Variants in ASPRV1 observed in about 807,000 individuals in gnomAD.
The protein encoded by ASPRV1 is aspartic peptidase retroviral like 1.
ASPRV1 carries 7 observed loss-of-function variants against 11.0 expected under a neutral mutation model. That is an observed-to-expected ratio of 0.64 (90% CI 0.36 to 1.20). The LOEUF is 1.20. ASPRV1 is among the 50% of genes most tolerant of loss of function. The probability of loss-of-function intolerance (pLI) is 0.02; values close to 1 mark genes in which losing one functional copy is unlikely to be tolerated. For synonymous variants in ASPRV1, 136 were observed against 138.4 expected (o/e 0.98, Z 0.12); for missense variants, 299 against 320.0 (o/e 0.93, Z 0.50).
At chr2:69,993,250 C>A in the ASPRV1 span, 3 of 152,442 alleles carry the variant, frequency 2.0e-5, no homozygotes, top group African/African-American at 4.8e-5. Flanking sequence ...ACAAACTGCA[C>A]CCCTAGCCCA....
Position 69,960,435 on chromosome 2 carries a change from C to CATGGGAGA in ASPRV1, c.*221_*222insTCTCCCAT. On this transcript the variant is annotated 3_prime_UTR_variant, in exon 1 of 1. Transcript: ENST00000320256. ...AGCTTGATGACCATGGGGACCCTGTCCCTCTAAGCCAGCCTGCTCTCCCTC... is the reference window on the plus strand; with the variant it reads ...AGCTTGATGACCATGGGGACCCTGTCATGGGAGACCTCTAAGCCAGCCTGCTCTCCCTC... 3.7e-6 allele frequency: 2 copies of CATGGGAGA among 539,584 alleles called. No homozygotes were observed. Among genetic ancestry groups the CATGGGAGA allele is most frequent in the Non-Finnish European group, 6.6e-6 (2 of 304,156 alleles). The allele number at this position is 539,584 out of a possible 1,614,324, so 33.4% of individuals were successfully genotyped here.
At chr2:70,033,415 T>C in the ASPRV1 span, among the ~76,000 whole-genome samples, 1 of 152,124 alleles carries the variant, frequency 6.6e-6, no homozygotes, top group Non-Finnish European at 1.5e-5. Flanking sequence ...CTTTATCCTC[T>C]TCAAATGCTT....
the ASPRV1 span, among the ~76,000 whole-genome samples, chr2:70,063,628 T>C: frequency 6.6e-6 from 1 of 152,150 alleles, no homozygotes; most frequent in Non-Finnish European, 1.5e-5. Context: ...AAAGAATGGA[T>C]AGGCTCTTGG....
the ASPRV1 span, among the ~76,000 whole-genome samples, chr2:70,042,717 A>G: frequency 2.0e-5 from 3 of 152,002 alleles, no homozygotes; most frequent in Non-Finnish European, 2.9e-5. Flanking sequence ...GGTTGAGGGG[A>G]GAGGAAACGG....
the ASPRV1 span, among the ~76,000 whole-genome samples, chr2:69,982,577 A>G: frequency 2.9e-3 from 447 of 152,332 alleles, 4 homozygotes; most frequent in African/African-American, 0.01. Flanking sequence ...GCTGTACTAA[A>G]GAAAAAAATA....
At chr2:69,991,932 T>C in the ASPRV1 span, among the ~76,000 whole-genome samples, 1 of 152,190 alleles carries the variant, frequency 6.6e-6, no homozygotes, top group Non-Finnish European at 1.5e-5. Flanking sequence ...AATGGATTTG[T>C]CTCTGGTCAT....
chr2:69,978,007 T>C, the ASPRV1 span, among the ~76,000 whole-genome samples: 2 of 152,180 alleles, frequency 1.3e-5, no homozygotes, highest in African/African-American at 2.4e-5. Context: ...AGACACTAAA[T>C]TCAAACTCAG....
chr2:69,934,632 T>A, the ASPRV1 span, among the ~76,000 whole-genome samples: 1 of 152,232 alleles, frequency 6.6e-6, no homozygotes, highest in Non-Finnish European at 1.5e-5. Flanking sequence ...TTTGTCTACA[T>A]ACAAGAAAAC....
At chr2:70,065,123 G>T in the ASPRV1 span, among the ~76,000 whole-genome samples, 3 of 149,428 alleles carry the variant, frequency 2.0e-5, no homozygotes, top group Non-Finnish European at 4.4e-5. Flanking sequence ...ACAAAAAAAA[G>T]GCCAGGTGCG....
At chr2:69,971,713 C>T in the ASPRV1 span, among the ~76,000 whole-genome samples, 1 of 152,192 alleles carries the variant, frequency 6.6e-6, no homozygotes, top group Non-Finnish European at 1.5e-5. Flanking sequence ...CCTTAGGATG[C>T]CCACAAGCCC....
At chr2:69,944,160 T>C in the ASPRV1 span, among the ~76,000 whole-genome samples, 1 of 152,162 alleles carries the variant, frequency 6.6e-6, no homozygotes, top group South Asian at 2.1e-4. Context: ...AAAAGCTACG[T>C]TCTCTAAAGC....
the ASPRV1 span, among the ~76,000 whole-genome samples, chr2:70,014,203 G>A: frequency 6.6e-6 from 1 of 152,068 alleles, no homozygotes; most frequent in African/African-American, 2.4e-5. Flanking sequence ...GCATCAAACA[G>A]CACTTTCAGC....
At chr2:69,992,938 G>C in the ASPRV1 span, among the ~76,000 whole-genome samples, 1 of 152,198 alleles carries the variant, frequency 6.6e-6, no homozygotes, top group Non-Finnish European at 1.5e-5. Flanking sequence ...CCTTCTACTA[G>C]ACTGTTGCTT....
chr2:69,961,851 T>C (rs1678131572), upstream of ASPRV1: 1 of 710,512 alleles, frequency 1.4e-6, no homozygotes, highest in Admixed American at 2.6e-5. Flanking sequence ...GGGACTACCC[T>C]GTACCCTCCC....
At chr2:70,054,883 T>A in the ASPRV1 span, among the ~76,000 whole-genome samples, 3 of 152,216 alleles carry the variant, frequency 2.0e-5, no homozygotes, top group Non-Finnish European at 2.9e-5. Context: ...GCTGTAAAGT[T>A]AACTAAGATA....
chr2:70,081,889 ATTACT>A, the ASPRV1 span, among the ~76,000 whole-genome samples: 1 of 152,038 alleles, frequency 6.6e-6, no homozygotes, highest in Non-Finnish European at 1.5e-5. Flanking sequence ...CCAGACTACT[ATTACT>A]TTAAATAAAA....
chr2:69,992,148 CT>C, the ASPRV1 span, among the ~76,000 whole-genome samples: 130 of 147,976 alleles, frequency 8.8e-4, no homozygotes, highest in African/African-American at 2.5e-3. Context: ...CTTTGTTCCA[CT>C]TTTTTTTTTT....
the ASPRV1 span, among the ~76,000 whole-genome samples, chr2:70,062,142 A>T: frequency 9.2e-3 from 1,323 of 144,258 alleles, 17 homozygotes; most frequent in African/African-American, 0.03. Context: ...ACAAAAAATT[A>T]AAAAAAAAAA....
the ASPRV1 span, chr2:69,940,951 A>C: frequency 6.6e-6 from 1 of 152,602 alleles, no homozygotes; most frequent in South Asian, 2.1e-4. Context: ...CACCAGCCTG[A>C]CTGCTAAGAG....
Sources: gnomAD v4.1 joint callset for allele counts (sites outside exome capture counted in the v4.1 genomes callset) on GRCh38, gnomAD v4.1.1 for gene constraint, MANE v1.5 for transcripts, NCBI Gene and HGNC (gene_info 2026-07-23, HGNC 2026-07-21) for gene names.